PDPR: variants seen among roughly 807,000 people sequenced by gnomAD.
PDPR encodes the protein pyruvate dehydrogenase phosphatase regulatory subunit, mitochondrial.
PDPR carries 50 observed loss-of-function variants against 102.2 expected under a neutral mutation model. The ratio of observed to expected loss-of-function variants is 0.49; its 90% confidence interval spans 0.39 to 0.62. The LOEUF is 0.62. Ranked by LOEUF, PDPR falls within the 20% of genes least tolerant of loss-of-function variation. The probability of loss-of-function intolerance (pLI) is 0.00; values close to 1 mark genes in which losing one functional copy is unlikely to be tolerated. For synonymous variants in PDPR, 259 were observed against 406.0 expected (o/e 0.64, Z 4.35); for missense variants, 625 against 1,098.2 (o/e 0.57, Z 6.09).
intron 3 of PDPR, among the ~76,000 whole-genome samples, 172 bp downstream of exon 3, chr16:70,120,891 A>G (rs1963180443): frequency 1.4e-5 from 2 of 144,672 alleles, no homozygotes; most frequent in Non-Finnish European, 3.0e-5. Flanking sequence ...AATAATGCTC[A>G]TGTTCTCTGG....
rs1259775697 is a variant in PDPR, at chr16:70,156,582, T to C, written c.2343T>C (p.Leu781=). The C allele has an allele frequency of 1.2e-6, 2 of 1,614,090 alleles. No individual in the cohort carries two copies. The highest frequency in any genetic ancestry group is 1.1e-5 in the South Asian group (1 of 91,088). The change falls in exon 19 of 19, where the codon CTT becomes CTC. Residue 781 remains leucine (L), a synonymous_variant. Transcript: ENST00000288050. ...ILDDHDSDLD[L]WPWWGEPIYR... is the part of the protein sequence containing the mutation. ...ACGACCATGATTCAGACCTAGACCT[T>C]TGGCCTTGGTGGGGAGAGCCCATTT...
intron 2 of PDPR, among the ~76,000 whole-genome samples, chr16:70,116,181 A>G (rs1962617275): frequency 1.4e-5 from 2 of 145,858 alleles, no homozygotes; most frequent in Admixed American, 7.0e-5. Flanking sequence ...GGTTGAAGCA[A>G]TTTTCCTGTC....
intron 4 of PDPR, 57 bp from the exon 5 acceptor site, chr16:70,128,727 A>T: frequency 1.2e-6 from 2 of 1,612,980 alleles, no homozygotes; most frequent in South Asian, 1.1e-5. Flanking sequence ...TGGATTTTCC[A>T]CTCTCCTGTC....
chr16:70,135,069 A>G (rs1964975302), intron 9 of PDPR, among the ~76,000 whole-genome samples: 1 of 152,194 alleles, frequency 6.6e-6, no homozygotes, highest in Admixed American at 6.6e-5. Context: ...TGTGTCTACT[A>G]AACAAACCTG....
intron 11 of PDPR, among the ~76,000 whole-genome samples, chr16:70,139,660 T>G (rs1350369297): frequency 6.6e-6 from 1 of 152,262 alleles, no homozygotes; most frequent in Non-Finnish European, 1.5e-5. Context: ...TATTCTACCT[T>G]GATCTCTGAT....
At chr16:70,141,436 C>A (rs1965702819) in intron 11 of PDPR, among the ~76,000 whole-genome samples, 1 of 152,288 alleles carries the variant, frequency 6.6e-6, no homozygotes, top group Admixed American at 6.5e-5. Context: ...TTCAGAGCCA[C>A]CTAATCAAGC....
chr16:70,153,278 A>G (rs1404920533), intron 17 of PDPR, 113 bp from the exon 18 acceptor site: 3 of 1,192,316 alleles, frequency 2.5e-6, no homozygotes, highest in Non-Finnish European at 3.5e-6. Context: ...TGGGAGTTTT[A>G]TACGCCTCCT....
intron 3 of PDPR, among the ~76,000 whole-genome samples, chr16:70,126,804 G>T (rs1964024086): frequency 6.6e-6 from 1 of 152,274 alleles, no homozygotes; most frequent in African/African-American, 2.4e-5. Context: ...GGGATTACAG[G>T]CATGAGCCAC....
chr16:70,156,507 G>A lies in PDPR; in HGVS notation c.2268G>A (p.Leu756=), dbSNP rs377318883. The A allele has an allele frequency of 6.2e-7, 1 of 1,613,842 alleles. No individual in the cohort carries two copies. Among genetic ancestry groups the A allele is most frequent in the African/African-American group, 1.3e-5 (1 of 74,954 alleles). The change falls in exon 19 of 19, where the codon CTG becomes CTA. Residue 756 remains leucine, a synonymous_variant. Transcript: ENST00000288050. The stretch of plus-strand genomic sequence containing the variant: ...ATTTCATTGGTCGCGACGCCCTCCT[G>A]CAGCAGAAGCAGAATGGAGTGTATA... ...GMDFIGRDAL[L]QQKQNGVYKR...
At chr16:70,118,629 T>C (rs907256246) in intron 2 of PDPR, among the ~76,000 whole-genome samples, 1 of 152,148 alleles carries the variant, frequency 6.6e-6, no homozygotes, top group African/African-American at 2.4e-5. Flanking sequence ...TGTTTACCTT[T>C]GGGAAAGGTA....
chr16:70,137,055 T>C (rs1965218392), intron 10 of PDPR, among the ~76,000 whole-genome samples: 1 of 151,422 alleles, frequency 6.6e-6, no homozygotes, highest in African/African-American at 2.4e-5. Context: ...AGTTTTTATT[T>C]AAAAATTAGA....
chr16:70,120,448 T>C lies in PDPR; in HGVS notation c.-32-13T>C. On this transcript the variant is annotated splice_polypyrimidine_tract_variant and intron_variant, in intron 2 of 18. Coordinates refer to ENST00000288050, the MANE Select transcript of PDPR (RefSeq NM_017990.5). ...GTAGAATGGCATGAAATATGTTTGG[T>C]TTCTCTGTCTAGTTTGAGTTCCTGA... The C allele has an allele frequency of 6.9e-7, 1 of 1,452,296 alleles. No individual in the cohort carries two copies. The highest frequency in any genetic ancestry group is 9.6e-7 in the Non-Finnish European group (1 of 1,039,024). The allele number at this position is 1,452,296 out of a possible 1,614,324, so 90.0% of individuals were successfully genotyped here. A position where few individuals can be genotyped will look rare whatever the true frequency, so the allele number is the denominator to read the frequency against.
At position 70,156,702 on chromosome 16, in the gene PDPR, T is replaced by G. The variant is rs1366376344; in HGVS notation, c.2463T>G (p.Ser821=). The part of the protein sequence containing the change: ...HVCLGFVHNF[S]EDTGEEQVVT... ...GCCTGGGCTTTGTGCACAATTTTTC[T>G]GAGGACACGGGGGAAGAGCAAGTGG... Residue 821 remains serine, a synonymous_variant, in exon 19 of 19, where the codon TCT becomes TCG. Coordinates refer to ENST00000288050, the MANE Select transcript of PDPR (RefSeq NM_017990.5). The G allele has an allele frequency of 6.2e-7, 1 of 1,614,012 alleles. No homozygotes were observed. The highest frequency in any genetic ancestry group is 1.1e-5 in the South Asian group (1 of 91,092).
Position 70,161,359 on chromosome 16 carries a change from T to C in PDPR, c.*4480T>C. 1 of 153,792 alleles carries C rather than the reference T, an allele frequency of 6.5e-6. No homozygotes were observed. Among genetic ancestry groups the C allele is most frequent in the Non-Finnish European group, 1.4e-5 (1 of 69,370 alleles). 9.5% of individuals were successfully genotyped at this position (153,792 alleles called of 1,614,324 possible). ...AATAAATAAGAACCTCCTGCCATTC[T>C]AATTTTCCTGCTGCACCCCATCCCC... On this transcript the variant is annotated 3_prime_UTR_variant, in exon 19 of 19. Coordinates refer to ENST00000288050, the MANE Select transcript of PDPR (RefSeq NM_017990.5).
Position 70,132,297 on chromosome 16 carries a change from T to G in PDPR, c.994T>G (p.Phe332Val), listed in dbSNP as rs1379288158. 1 of 1,613,276 alleles carries G rather than the reference T, an allele frequency of 6.2e-7. No homozygotes were observed. Among genetic ancestry groups the G allele is most frequent in the Admixed American group, 1.7e-5 (1 of 59,990 alleles). Residue 332 changes from phenylalanine (F) to valine (V), a missense_variant, in exon 9 of 19, where the codon TTT (phenylalanine) becomes GTT (valine). Phe to Val is a conservative substitution (Grantham distance 50). Coordinates refer to ENST00000288050, the MANE Select transcript of PDPR (RefSeq NM_017990.5). ...IQNLQEDWDHFEPLLSSLLRR... is the reference protein window; with the variant it reads ...IQNLQEDWDHVEPLLSSLLRR... ...GAATCTACAGGAAGACTGGGATCAC[T>G]TTGGTATGTGAACTGCATTATAACC... is the stretch of plus-strand genomic sequence containing the variant.
At chr16:70,129,614 G>A in intron 6 of PDPR, among the ~76,000 whole-genome samples, 1 of 152,284 alleles carries the variant, frequency 6.6e-6, no homozygotes, top group Non-Finnish European at 1.5e-5. Context: ...CTCCCTAAGT[G>A]CTGGGATTAC....
chr16:70,133,111 C>CTT (rs140652740), intron 9 of PDPR, among the ~76,000 whole-genome samples: 2,274 of 97,214 alleles, frequency 0.023, 147 homozygotes, highest in African/African-American at 0.09. Context: ...TACCCAGCTG[C>CTT]TTTTTTTTTT....
chr16:70,147,199 G>A (rs1966306225), intron 16 of PDPR, among the ~76,000 whole-genome samples: 2 of 128,448 alleles, frequency 1.6e-5, no homozygotes, highest in South Asian at 5.3e-4. Context: ...GCCTCCCAAA[G>A]TGCTGGGATT....
At position 70,119,355 on chromosome 16, in the gene PDPR, CAAAG is replaced by C. The variant is rs562226024; in HGVS notation, c.-32-1102_-32-1099del. ...CCCAACCCCCCACCGCCAAAAAAAA[CAAAG>C]AAAAGAAAAACATCCCAGATCATTT... On this transcript the variant is annotated intron_variant, in intron 2 of 18. Transcript: ENST00000288050. 3.3e-3 allele frequency among the ~76,000 whole-genome samples: 505 copies of C among 151,934 alleles called. 2 individuals are homozygous for C. Among genetic ancestry groups the C allele is most frequent in the African/African-American group, 0.011 (448 of 41,434 alleles).
Sources: allele counts gnomAD v4.1 joint callset (sites outside exome capture counted in the v4.1 genomes callset), GRCh38; gene constraint gnomAD v4.1.1; transcripts MANE v1.5; gene names NCBI Gene and HGNC (gene_info 2026-07-23, HGNC 2026-07-21).